Variants in FAM174A observed in about 807,000 individuals in gnomAD.
The protein encoded by FAM174A is membrane protein FAM174A.
Under a neutral mutation model 14.3 loss-of-function variants are expected in FAM174A, and 14 were observed. The observed-to-expected ratio is 0.98, with a 90% CI of 0.65 to 1.53. The LOEUF (loss-of-function observed/expected upper bound fraction) is 1.53. Among genes scored for constraint, FAM174A ranks in the 40% most tolerant of loss-of-function variants. The pLI is 0.00. For missense variants in FAM174A, 241 were observed against 249.6 expected, an observed-to-expected ratio of 0.97 and a Z score of 0.23; for synonymous variants, 108 against 111.4, an observed-to-expected ratio of 0.97 and a Z score of 0.19.
At chr5:100,546,709 T>C (rs1234902193) in intron 1 of FAM174A, among the ~76,000 whole-genome samples, 1 of 152,180 alleles carries the variant, frequency 6.6e-6, no homozygotes, top group Non-Finnish European at 1.5e-5. Context: ...TTATAAGTTA[T>C]ATGCACTATA....
chr5:100,569,639 G>A (rs1361547495), intron 2 of FAM174A, among the ~76,000 whole-genome samples: 2 of 151,854 alleles, frequency 1.3e-5, no homozygotes, highest in Non-Finnish European at 2.9e-5. Flanking sequence ...ATGAGAAATT[G>A]AAGGTGCCTA....
intron 1 of FAM174A, among the ~76,000 whole-genome samples, chr5:100,558,172 T>C (rs1746436689): frequency 6.6e-6 from 1 of 152,356 alleles, no homozygotes; most frequent in Admixed American, 6.5e-5. Context: ...AACATCTTTA[T>C]TTCTGCCTTC....
chr5:100,536,423 G>A (rs1391061171), intron 1 of FAM174A, among the ~76,000 whole-genome samples: 1 of 152,146 alleles, frequency 6.6e-6, no homozygotes, highest in Non-Finnish European at 1.5e-5. Flanking sequence ...GTACAATGCT[G>A]CCACTTAATA....
chr5:100,581,421 T>A (rs1747013678), intron 2 of FAM174A: 2 of 979,168 alleles, frequency 2.0e-6, no homozygotes, highest in Non-Finnish European at 2.4e-6. Flanking sequence ...GGCAATTGAG[T>A]TAAAGTTATT....
chr5:100,551,609 T>C (rs977099365), intron 1 of FAM174A, among the ~76,000 whole-genome samples: 5 of 152,166 alleles, frequency 3.3e-5, no homozygotes, highest in African/African-American at 1.2e-4. Flanking sequence ...AACAATTCTC[T>C]TGTATTCTAT....
chr5:100,547,577 CT>C (rs1474389124), intron 1 of FAM174A, among the ~76,000 whole-genome samples: 1 of 151,972 alleles, frequency 6.6e-6, no homozygotes, highest in Non-Finnish European at 1.5e-5. Context: ...AGTTAGTGAG[CT>C]TTTTGGTGGC....
At chr5:100,558,195 A>G (rs1561317387) in intron 1 of FAM174A, among the ~76,000 whole-genome samples, 1 of 152,100 alleles carries the variant, frequency 6.6e-6, no homozygotes, top group Non-Finnish European at 1.5e-5. Context: ...TTCGTTATGT[A>G]CCCAGTAGTC....
intron 1 of FAM174A, among the ~76,000 whole-genome samples, chr5:100,559,551 T>C (rs1746479611): frequency 6.6e-6 from 1 of 152,162 alleles, no homozygotes; most frequent in Admixed American, 6.5e-5. Flanking sequence ...ATTTTCCAAC[T>C]TGGTTCCATC....
In FAM174A at chr5:100,535,975, G is replaced by A; in HGVS notation, c.434+11G>A. 2 of 1,553,826 alleles carry A rather than the reference G, an allele frequency of 1.3e-6. No individual in the cohort carries two copies. The highest frequency in any genetic ancestry group is 1.7e-6 in the Non-Finnish European group (2 of 1,144,914). ...GGTCAGGACGGTCAGGTGAGGCAAA[G>A]CCTCGGTGGGGCACCCCCGTGGGCC... On this transcript the variant is annotated intron_variant, in intron 1 of 2. Coordinates refer to ENST00000312637, the MANE Select transcript of FAM174A (RefSeq NM_198507.3).
chr5:100,566,700 C>CA (rs1256622832), intron 2 of FAM174A, among the ~76,000 whole-genome samples: 1 of 151,734 alleles, frequency 6.6e-6, no homozygotes, highest in Non-Finnish European at 1.5e-5. Flanking sequence ...ATCATAACAT[C>CA]ATAACATTAA....
At chr5:100,566,141 G>GATAGATATAGATATATATATAT (rs558236562) in intron 2 of FAM174A, among the ~76,000 whole-genome samples, 1 of 81,810 alleles carries the variant, frequency 1.2e-5, no homozygotes, top group African/African-American at 4.1e-5. Context: ...TGAAAAGTAT[G>GATAGATATAGATATATATATAT]ATATATATAT....
chr5:100,556,318 A>G (rs1427595370), intron 1 of FAM174A, among the ~76,000 whole-genome samples: 1 of 152,186 alleles, frequency 6.6e-6, no homozygotes, highest in Non-Finnish European at 1.5e-5. Flanking sequence ...TTTTGGTATC[A>G]GTACCATGCT....
At chr5:100,584,601 G>T (rs6864171) in intron 2 of FAM174A, among the ~76,000 whole-genome samples, 6,339 of 152,094 alleles carry the variant, frequency 0.042, 452 homozygotes, top group African/African-American at 0.14. Flanking sequence ...ATAATACAAT[G>T]ATTTTGCTTT....
chr5:100,557,825 T>C (rs1746426208), intron 1 of FAM174A, among the ~76,000 whole-genome samples: 1 of 152,192 alleles, frequency 6.6e-6, no homozygotes, highest in South Asian at 2.1e-4. Flanking sequence ...GATTCTTCTC[T>C]CTTTTTTTCT....
At chr5:100,575,222 T>A (rs2112399889) in intron 2 of FAM174A, among the ~76,000 whole-genome samples, 1 of 152,104 alleles carries the variant, frequency 6.6e-6, no homozygotes, top group Admixed American at 6.6e-5. Context: ...CAGTACAGAA[T>A]ATAATTAGTC....
chr5:100,564,625 A>G (rs572617908), intron 2 of FAM174A, among the ~76,000 whole-genome samples: 13 of 152,032 alleles, frequency 8.6e-5, no homozygotes, highest in Non-Finnish European at 1.8e-4. Flanking sequence ...GATAAAATCA[A>G]TAAACCATTA....
At chr5:100,580,815 C>T (rs1746996409) in intron 2 of FAM174A, among the ~76,000 whole-genome samples, 1 of 152,196 alleles carries the variant, frequency 6.6e-6, no homozygotes, top group South Asian at 2.1e-4. Context: ...TTTTGGAGCA[C>T]AGCCTCTATC....
intron 2 of FAM174A, among the ~76,000 whole-genome samples, chr5:100,562,461 A>C (rs1746548090): frequency 6.6e-6 from 1 of 151,784 alleles, no homozygotes; most frequent in African/African-American, 2.4e-5. Context: ...GTACAAGTGC[A>C]GGGTCGTTAC....
At chr5:100,559,184 C>A (rs1204486176) in intron 1 of FAM174A, among the ~76,000 whole-genome samples, 1 of 152,048 alleles carries the variant, frequency 6.6e-6, no homozygotes, top group Non-Finnish European at 1.5e-5. Flanking sequence ...TTTTATTTCT[C>A]CTTCATTTAT....
Sources: allele counts gnomAD v4.1 joint callset (sites outside exome capture counted in the v4.1 genomes callset), GRCh38; gene constraint gnomAD v4.1.1; transcripts MANE v1.5; gene names NCBI Gene and HGNC (gene_info 2026-07-23, HGNC 2026-07-21).